IPO9: variants seen among roughly 807,000 people sequenced by gnomAD.
IPO9 encodes the protein importin-9.
Under a neutral mutation model 128.6 loss-of-function variants are expected in IPO9, and 28 were observed. That is an observed-to-expected ratio of 0.22 (90% CI 0.16 to 0.30). The LOEUF is 0.30. Ranked by LOEUF, IPO9 falls within the 10% of genes least tolerant of loss-of-function variation. IPO9 has a pLI of 1.00. For synonymous variants in IPO9, 455 were observed against 475.8 expected, an observed-to-expected ratio of 0.96 and a Z score of 0.57; for missense variants, 935 against 1,293.9, an observed-to-expected ratio of 0.72 and a Z score of 4.26.
At position 201,884,267 on chromosome 1, in the gene IPO9, TTAAA is replaced by T. The variant is rs1318009487; in HGVS notation, c.*8218_*8221del. ...CTGTTTCATGGAGTGATTGTGAGGA[TTAAA>T]TAAAGTTAATATAACACAAAGCACT... On this transcript the variant is annotated 3_prime_UTR_variant, in exon 24 of 24. Transcript: ENST00000361565. The T allele has an allele frequency of 1.3e-5, 2 of 152,250 alleles. No homozygotes were observed. Among genetic ancestry groups the T allele is most frequent in the Non-Finnish European group, 1.5e-5 (1 of 68,048 alleles). 9.4% of individuals were successfully genotyped at this position (152,250 alleles called of 1,614,324 possible). A position where few individuals can be genotyped will look rare whatever the true frequency, so the allele number is the denominator to read the frequency against.
chr1:201,852,229 G>A, intron 5 of IPO9, 37 bp downstream of exon 5: 2 of 1,367,364 alleles, frequency 1.5e-6, no homozygotes, highest in Non-Finnish European at 2.1e-6. Flanking sequence ...AGTGAGTTCA[G>A]GCTCTCTTCA....
rs1680384912 is a variant in IPO9, at chr1:201,858,975, T to G, written c.1449T>G (p.Leu483=). 6.2e-7 allele frequency: 1 copy of G among 1,609,368 alleles called. No individual in the cohort carries two copies. The highest frequency in any genetic ancestry group is 8.5e-7 in the Non-Finnish European group (1 of 1,176,236). The change falls in exon 13 of 24, where the codon CTT becomes CTG. Residue 483 remains leucine, a synonymous_variant. Transcript: ENST00000361565. ...ATGGGTTCCTGACCAATGTCATCCT[T>G]GCAGACCTCAACCTCTCAGGTATGT... The part of the protein sequence containing the change: ...DMHGFLTNVI[L]ADLNLSVSPF...
intron 1 of IPO9, 95 bp downstream of exon 1, chr1:201,829,467 T>A (rs977833233): frequency 2.3e-6 from 3 of 1,279,948 alleles, no homozygotes; most frequent in Non-Finnish European, 3.1e-6. Flanking sequence ...CCTGAGCCAG[T>A]TGGAGATGTG....
At chr1:201,834,138 T>A (rs955942102) in intron 1 of IPO9, among the ~76,000 whole-genome samples, 11 of 152,198 alleles carry the variant, frequency 7.2e-5, no homozygotes, top group Admixed American at 7.2e-4. Flanking sequence ...AATTTACTTC[T>A]ACCTAAATAG....
Position 201,878,255 on chromosome 1 carries a change from G to A in IPO9, c.*2201G>A, listed in dbSNP as rs1166149595. 2.6e-5 allele frequency: 4 copies of A among 152,372 alleles called. No individual in the cohort carries two copies. The East Asian group carries it at 5.8e-4, about 22-fold the overall frequency. 9.4% of individuals were successfully genotyped at this position (152,372 alleles called of 1,614,324 possible). A position where few individuals can be genotyped will look rare whatever the true frequency, so the allele number is the denominator to read the frequency against. On this transcript the variant is annotated 3_prime_UTR_variant, in exon 24 of 24. Coordinates refer to ENST00000361565, the MANE Select transcript of IPO9 (RefSeq NM_018085.5). ...TGCTGAGAAAACCACCCTCGGCCTT[G>A]CAGACTCCATAGTTTATCTCAAGGC...
intron 13 of IPO9, 83 bp downstream of exon 13, chr1:201,859,077 A>G: frequency 7.2e-7 from 1 of 1,388,548 alleles, no homozygotes; most frequent in Non-Finnish European, 9.9e-7. Context: ...TAGGAGATAT[A>G]CCTGATGTAA....
chr1:201,872,289 A>G (rs1240240163), intron 19 of IPO9, among the ~76,000 whole-genome samples: 2 of 152,128 alleles, frequency 1.3e-5, no homozygotes, highest in Non-Finnish European at 2.9e-5. Flanking sequence ...TATACCACTG[A>G]TTCTTATCAC....
intron 19 of IPO9, 39 bp from the exon 20 acceptor site, chr1:201,872,789 G>A: frequency 6.3e-7 from 1 of 1,586,254 alleles, no homozygotes; most frequent in Non-Finnish European, 8.6e-7. Context: ...AACTCGAGAT[G>A]GGCGGCTGAT....
At chr1:201,875,796 G>T (rs1680751652) in intron 23 of IPO9, 148 bp from the exon 24 acceptor site, 1 of 678,530 alleles carries the variant, frequency 1.5e-6, no homozygotes, top group Non-Finnish European at 2.6e-6. Flanking sequence ...ACCTAAACTA[G>T]ATCCAAGAAC....
intron 1 of IPO9, among the ~76,000 whole-genome samples, chr1:201,842,892 T>C (rs77131104): frequency 0.081 from 12,321 of 152,294 alleles, 605 homozygotes; most frequent in Admixed American, 0.13. Flanking sequence ...TTTGATATAA[T>C]TGAGCTAAGA....
At chr1:201,875,861 T>G (rs1680752647) in intron 23 of IPO9, 83 bp from the exon 24 acceptor site, 1 of 824,652 alleles carries the variant, frequency 1.2e-6, no homozygotes, top group Non-Finnish European at 2.1e-6. Context: ...GCATTCCCTG[T>G]GCCATTTGAT....
chr1:201,874,100 A>T, intron 20 of IPO9, 150 bp from the exon 21 acceptor site: 1 of 753,956 alleles, frequency 1.3e-6, no homozygotes, highest in Non-Finnish European at 2.2e-6. Context: ...ATTTAACTTT[A>T]AGTCACTCTT....
At chr1:201,857,830 A>G (rs1308065080) in intron 11 of IPO9, among the ~76,000 whole-genome samples, 2 of 150,818 alleles carry the variant, frequency 1.3e-5, no homozygotes, top group East Asian at 3.9e-4. Context: ...AGTTTAATTC[A>G]CTCTTCAACA....
rs1680763231 is a variant in IPO9 at position 201,876,360 on chromosome 1, A to G, written c.*306A>G. 4 of 478,632 alleles carry G rather than the reference A, an allele frequency of 8.4e-6. No individual in the cohort carries two copies. The highest frequency in any genetic ancestry group is 1.5e-5 in the Non-Finnish European group (4 of 258,526). 29.6% of individuals were successfully genotyped at this position (478,632 alleles called of 1,614,324 possible). On this transcript the variant is annotated 3_prime_UTR_variant, in exon 24 of 24. Transcript: ENST00000361565. Reference sequence around the variant, plus strand: ...CTCTGCTGGCGAGTCCAGAAACATTATTGCCCAGAAGGATTATGTGTTTAT... The same window carrying G: ...CTCTGCTGGCGAGTCCAGAAACATTGTTGCCCAGAAGGATTATGTGTTTAT...
chr1:201,842,231 A>G (rs1247714261), intron 1 of IPO9, among the ~76,000 whole-genome samples: 1 of 152,186 alleles, frequency 6.6e-6, no homozygotes, highest in Non-Finnish European at 1.5e-5. Context: ...AACTTAGGGA[A>G]ATGCTTTTAC....
At chr1:201,874,520 A>G (rs1680722241) in intron 21 of IPO9, 148 bp downstream of exon 21, 3 of 896,560 alleles carry the variant, frequency 3.3e-6, no homozygotes, top group South Asian at 3.5e-5. Flanking sequence ...GCTAGGCACT[A>G]GGCATGTAGA....
At chr1:201,840,116 G>A (rs534267301) in intron 1 of IPO9, among the ~76,000 whole-genome samples, 3 of 152,248 alleles carry the variant, frequency 2.0e-5, no homozygotes, top group Non-Finnish European at 2.9e-5. Context: ...TTGAGACAGC[G>A]TGTCACTCTG....
chr1:201,854,563 T>C, intron 6 of IPO9, 32 bp from the exon 7 acceptor site: 2 of 1,609,854 alleles, frequency 1.2e-6, no homozygotes, highest in Middle Eastern at 2.0e-4. Context: ...ATTAGGGGTT[T>C]GTCCAGTATT....
At chr1:201,868,948 C>A in intron 16 of IPO9, 152 bp downstream of exon 16, 1 of 1,256,240 alleles carries the variant, frequency 8.0e-7, no homozygotes, top group Non-Finnish European at 1.1e-6. Context: ...GGGTGATTCT[C>A]TGAAGCTTTA....
Sources: gnomAD v4.1 joint callset for allele counts (sites outside exome capture counted in the v4.1 genomes callset) on GRCh38, gnomAD v4.1.1 for gene constraint, MANE v1.5 for transcripts, NCBI Gene and HGNC (gene_info 2026-07-23, HGNC 2026-07-21) for gene names.